The following VPS13B variants were observed in gnomAD, a reference collection of about 807,000 sequenced individuals.
VPS13B encodes the protein intermembrane lipid transfer protein VPS13B.
Under a neutral mutation model 426.4 loss-of-function variants are expected in VPS13B, and 285 were observed. That is an observed-to-expected ratio of 0.67 (90% CI 0.61 to 0.74). VPS13B has a LOEUF of 0.74. VPS13B is among the 30% of genes least tolerant of loss of function. The probability of loss-of-function intolerance (pLI) is 0.00; values close to 1 mark genes in which losing one functional copy is unlikely to be tolerated. For missense variants in VPS13B, 4,537 were observed against 4,782.6 expected, an observed-to-expected ratio of 0.95 and a Z score of 1.51; for synonymous variants, 1,676 against 1,676.4, an observed-to-expected ratio of 1.00 and a Z score of 0.01.
intron 17 of VPS13B, among the ~76,000 whole-genome samples, chr8:99,226,741 A>G (rs773692920): frequency 2.0e-5 from 3 of 152,212 alleles, no homozygotes; most frequent in Non-Finnish European, 4.4e-5. Flanking sequence ...TTCTCTGTGT[A>G]AAGAAATTTT....
At chr8:99,858,881 C>T (rs1167266406) in intron 56 of VPS13B, among the ~76,000 whole-genome samples, 2 of 152,132 alleles carry the variant, frequency 1.3e-5, no homozygotes, top group South Asian at 2.1e-4. Flanking sequence ...AGCATCTGGC[C>T]GCCCCTGGCC....
chr8:99,270,650 C>T (rs1219060056), intron 17 of VPS13B, among the ~76,000 whole-genome samples: 2 of 152,100 alleles, frequency 1.3e-5, no homozygotes, highest in East Asian at 1.9e-4. Context: ...GAAACTAATT[C>T]AGATTTTTGG....
At chr8:99,701,812 T>G (rs1832295303) in intron 36 of VPS13B, among the ~76,000 whole-genome samples, 1 of 152,118 alleles carries the variant, frequency 6.6e-6, no homozygotes, top group Non-Finnish European at 1.5e-5. Flanking sequence ...TTTAGTACAG[T>G]TTTTTCTTTA....
intron 19 of VPS13B, among the ~76,000 whole-genome samples, chr8:99,290,511 G>T (rs1819669695): frequency 6.6e-6 from 1 of 151,988 alleles, no homozygotes; most frequent in African/African-American, 2.4e-5. Context: ...GTCATGGGGT[G>T]CGGGGAGAGG....
intron 6 of VPS13B, among the ~76,000 whole-genome samples, chr8:99,112,815 A>C (rs1414813796): frequency 6.6e-6 from 1 of 152,168 alleles, no homozygotes; most frequent in Non-Finnish European, 1.5e-5. Flanking sequence ...AGGAAGGTAA[A>C]AATAGATGAG....
intron 40 of VPS13B, among the ~76,000 whole-genome samples, chr8:99,767,239 G>T (rs1309578856): frequency 6.6e-6 from 1 of 151,764 alleles, no homozygotes; most frequent in Non-Finnish European, 1.5e-5. Context: ...ATGGAAAAAA[G>T]CAAGTTAAAC....
chr8:99,101,529 C>T (rs1846749266), intron 4 of VPS13B, among the ~76,000 whole-genome samples: 1 of 152,220 alleles, frequency 6.6e-6, no homozygotes, highest in Admixed American at 6.5e-5. Context: ...TTTTGGAGGT[C>T]TCATTTATTA....
At chr8:99,869,158 G>A (rs1817261125) in intron 59 of VPS13B, among the ~76,000 whole-genome samples, 1 of 152,250 alleles carries the variant, frequency 6.6e-6, no homozygotes, top group Non-Finnish European at 1.5e-5. Context: ...CCATAAACCT[G>A]TGGCTGGAAC....
intron 29 of VPS13B, among the ~76,000 whole-genome samples, chr8:99,513,704 G>A (rs1205640559): frequency 6.6e-6 from 1 of 152,096 alleles, no homozygotes. Flanking sequence ...ATCAATTTCA[G>A]TAACAAATTT....
chr8:99,282,795 A>G (rs939203599), intron 19 of VPS13B, among the ~76,000 whole-genome samples: 2 of 152,172 alleles, frequency 1.3e-5, no homozygotes, highest in African/African-American at 4.8e-5. Flanking sequence ...AATGTAAACC[A>G]GTCTTTATTA....
intron 17 of VPS13B, among the ~76,000 whole-genome samples, chr8:99,268,937 G>A (rs1818440966): frequency 6.6e-6 from 1 of 152,160 alleles, no homozygotes; most frequent in African/African-American, 2.4e-5. Flanking sequence ...TTACCCTCAT[G>A]CTGTTCTTGT....
chr8:99,063,462 T>A (rs1457036616), intron 3 of VPS13B, among the ~76,000 whole-genome samples: 1 of 152,202 alleles, frequency 6.6e-6, no homozygotes, highest in Non-Finnish European at 1.5e-5. Context: ...AGAGCCTTGC[T>A]CACTGCTAGT....
At chr8:99,086,336 T>G (rs1845796350) in intron 3 of VPS13B, among the ~76,000 whole-genome samples, 1 of 152,218 alleles carries the variant, frequency 6.6e-6, no homozygotes, top group Admixed American at 6.5e-5. Context: ...TTCTTTGCAT[T>G]GATTATTCTA....
intron 5 of VPS13B, among the ~76,000 whole-genome samples, chr8:99,103,493 CTTTTTTTTTTT>C (rs71273162): frequency 2.0e-5 from 1 of 49,514 alleles, no homozygotes; most frequent in East Asian, 5.2e-4. Flanking sequence ...CTATGCCCGG[CTTTTTTTTTTT>C]TTTTTTTTTT....
At chr8:99,676,216 C>T (rs1308890134) in intron 35 of VPS13B, among the ~76,000 whole-genome samples, 4 of 152,122 alleles carry the variant, frequency 2.6e-5, no homozygotes, top group Non-Finnish European at 5.9e-5. Flanking sequence ...AGGCCTGCCA[C>T]ACCAGCCCAA....
intron 14 of VPS13B, among the ~76,000 whole-genome samples, 158 bp from the exon 15 acceptor site, chr8:99,156,391 G>C (rs1811365068): frequency 6.6e-6 from 1 of 152,164 alleles, no homozygotes; most frequent in Admixed American, 6.5e-5. Context: ...AAAGACATTT[G>C]TTATTTGGTT....
At chr8:99,171,054 T>C (rs532876742) in intron 16 of VPS13B, among the ~76,000 whole-genome samples, 64 of 151,938 alleles carry the variant, frequency 4.2e-4, no homozygotes, top group African/African-American at 1.3e-3. Flanking sequence ...TAATCGCTCA[T>C]ATTTTCAAGA....
At chr8:99,128,259 C>T (rs1000530289) in intron 8 of VPS13B, among the ~76,000 whole-genome samples, 16 of 151,364 alleles carry the variant, frequency 1.1e-4, no homozygotes, top group African/African-American at 3.6e-4. Flanking sequence ...TGGTGGCAGG[C>T]GCCTGTAATC....
intron 36 of VPS13B, among the ~76,000 whole-genome samples, chr8:99,700,254 A>T (rs1256689606): frequency 6.6e-6 from 1 of 152,234 alleles, no homozygotes; most frequent in East Asian, 1.9e-4. Context: ...AACCATAAGA[A>T]GAGTGTTTCT....
Sources: allele counts gnomAD v4.1 joint callset (sites outside exome capture counted in the v4.1 genomes callset), GRCh38; gene constraint gnomAD v4.1.1; transcripts MANE v1.5; gene names NCBI Gene and HGNC (gene_info 2026-07-23, HGNC 2026-07-21).